Variants in COG7 observed in about 807,000 individuals in gnomAD.
COG7 encodes the protein conserved oligomeric Golgi complex subunit 7.
COG7 carries 49 observed loss-of-function variants against 91.5 expected under a neutral mutation model. The observed-to-expected ratio is 0.54, with a 90% confidence interval of 0.43 to 0.68. The LOEUF is 0.68. Among genes scored for constraint, COG7 ranks in the 30% least tolerant of loss-of-function variants. COG7 has a pLI of 0.00. For missense variants in COG7, 895 were observed against 961.3 expected, an observed-to-expected ratio of 0.93 and a Z score of 0.91; for synonymous variants, 365 against 388.7, an observed-to-expected ratio of 0.94 and a Z score of 0.72.
chr16:23,410,462 T>C, intron 10 of COG7, 102 bp from the exon 11 acceptor site: 3 of 945,272 alleles, frequency 3.2e-6, no homozygotes, highest in Non-Finnish European at 5.0e-6. Context: ...TTTGCTCCTT[T>C]GGGTAGTTCT....
chr16:23,444,671 T>C (rs555169883), intron 3 of COG7, among the ~76,000 whole-genome samples: 31 of 152,146 alleles, frequency 2.0e-4, no homozygotes, highest in Admixed American at 6.6e-4. Context: ...ACCTGGCTAA[T>C]TTTTTAATTT....
chr16:23,420,107 C>T (rs572978184), intron 7 of COG7, among the ~76,000 whole-genome samples: 1 of 152,278 alleles, frequency 6.6e-6, no homozygotes, highest in East Asian at 1.9e-4. Context: ...GCCTGGGTGA[C>T]AGAGCGAGAG....
Position 23,440,551 on chromosome 16 carries a change from G to C in COG7, c.604+1926C>G, listed in dbSNP as rs1167008145. Among the ~76,000 whole-genome samples, 3 of 150,388 alleles carry C rather than the reference G, an allele frequency of 2.0e-5. No homozygotes were observed. The East Asian group carries it at 5.8e-4, about 29-fold the overall frequency. On this transcript the variant is annotated intron_variant, in intron 4 of 16. Transcript: ENST00000307149. ...GACAAGGTCTCACTCTGTCACTCCTGGGCTCAAGCGATCCTTCTGCCCCAA... is the reference window on the plus strand; with the variant it reads ...GACAAGGTCTCACTCTGTCACTCCTCGGCTCAAGCGATCCTTCTGCCCCAA...
At chr16:23,434,336 T>G (rs1963980925) in intron 5 of COG7, among the ~76,000 whole-genome samples, 1 of 152,144 alleles carries the variant, frequency 6.6e-6, no homozygotes, top group African/African-American at 2.4e-5. Flanking sequence ...TAATAAAGCT[T>G]AAGACATAAA....
intron 11 of COG7, 86 bp downstream of exon 11, chr16:23,410,209 G>C: frequency 9.6e-7 from 1 of 1,042,096 alleles, no homozygotes; most frequent in Admixed American, 1.9e-5. Context: ...TCTGGCATAT[G>C]CTGTCCTTGC....
intron 1 of COG7, among the ~76,000 whole-genome samples, chr16:23,448,203 G>T (rs1964212569): frequency 1.3e-5 from 2 of 152,056 alleles, no homozygotes; most frequent in African/African-American, 4.8e-5. Flanking sequence ...ACTGCCTAAG[G>T]GATAAAAGCC....
intron 3 of COG7, among the ~76,000 whole-genome samples, chr16:23,444,373 C>G (rs1964149623): frequency 6.6e-6 from 1 of 151,952 alleles, no homozygotes; most frequent in African/African-American, 2.4e-5. Context: ...TTACTATTTT[C>G]CACACTTTGC....
intron 4 of COG7, 57 bp from the exon 5 acceptor site, chr16:23,434,775 A>G: frequency 8.2e-7 from 1 of 1,218,770 alleles, no homozygotes; most frequent in Non-Finnish European, 1.2e-6. Flanking sequence ...TAGACATGAG[A>G]AAAAACTCAC....
At chr16:23,415,796 G>C (rs1157445021) in intron 9 of COG7, 2 of 152,020 alleles carry the variant, frequency 1.3e-5, no homozygotes, top group African/African-American at 2.4e-5. Flanking sequence ...TGCGTACCCT[G>C]TTCTCCTTGC....
chr16:23,404,695 A>G (rs1963431373), intron 12 of COG7, among the ~76,000 whole-genome samples: 1 of 152,204 alleles, frequency 6.6e-6, no homozygotes, highest in African/African-American at 2.4e-5. Context: ...TGAGACAGGC[A>G]GATCACCTGA....
At chr16:23,421,960 A>T (rs2142079202) in intron 7 of COG7, among the ~76,000 whole-genome samples, 1 of 152,352 alleles carries the variant, frequency 6.6e-6, no homozygotes, top group Non-Finnish European at 1.5e-5. Flanking sequence ...AGCTAGGCTC[A>T]AAAACTAATG....
At chr16:23,433,398 T>G in intron 6 of COG7, 147 bp downstream of exon 6, 8 of 1,062,752 alleles carry the variant, frequency 7.5e-6, no homozygotes, top group Non-Finnish European at 1.1e-5. Context: ...GCCTAACTGG[T>G]TATTTTTTAA....
At chr16:23,425,030 C>G in intron 6 of COG7, 83 bp from the exon 7 acceptor site, 1 of 1,207,948 alleles carries the variant, frequency 8.3e-7, no homozygotes, top group Non-Finnish European at 1.2e-6. Flanking sequence ...TTTTGAGATG[C>G]CAGGCACGGT....
intron 6 of COG7, among the ~76,000 whole-genome samples, chr16:23,430,962 G>A (rs1225130419): frequency 6.6e-6 from 1 of 151,626 alleles, no homozygotes; most frequent in Admixed American, 6.6e-5. Context: ...CCAGGAGTTC[G>A]ACACCAGCCT....
chr16:23,421,088 C>T (rs1963748805), intron 7 of COG7, among the ~76,000 whole-genome samples: 2 of 151,682 alleles, frequency 1.3e-5, no homozygotes, highest in South Asian at 2.1e-4. Flanking sequence ...AGAATGATTT[C>T]TTTTTCCTTC....
chr16:23,401,976 GAA>G (rs964010097), intron 13 of COG7, among the ~76,000 whole-genome samples: 3 of 152,090 alleles, frequency 2.0e-5, no homozygotes, highest in Admixed American at 2.0e-4. Context: ...AGGATCACTT[GAA>G]CCCAGGCAGC....
At chr16:23,420,917 T>C in intron 7 of COG7, among the ~76,000 whole-genome samples, 1 of 99,790 alleles carries the variant, frequency 1.0e-5, no homozygotes, top group African/African-American at 3.6e-5. Flanking sequence ...CTAATTTTTT[T>C]TTTTTTTTTT....
chr16:23,407,084 C>T (rs938754940), intron 11 of COG7, among the ~76,000 whole-genome samples: 27 of 152,334 alleles, frequency 1.8e-4, no homozygotes, highest in African/African-American at 5.8e-4. Context: ...CTTATGAAAA[C>T]ATTGCTTTGG....
chr16:23,445,582 G>A (rs1018364706), intron 2 of COG7, among the ~76,000 whole-genome samples: 1 of 152,138 alleles, frequency 6.6e-6, no homozygotes, highest in South Asian at 2.1e-4. Flanking sequence ...GAACCTGGGA[G>A]GTGGAGGTTG....
Sources: gnomAD v4.1 joint callset for allele counts (sites outside exome capture counted in the v4.1 genomes callset) on GRCh38, gnomAD v4.1.1 for gene constraint, MANE v1.5 for transcripts, NCBI Gene and HGNC (gene_info 2026-07-23, HGNC 2026-07-21) for gene names.